ANO3: variants seen among roughly 807,000 people sequenced by gnomAD.
ANO3 encodes anoctamin 3.
Under a neutral mutation model 144.8 loss-of-function variants are expected in ANO3, and 99 were observed. That is an observed-to-expected ratio of 0.68 (90% CI 0.58 to 0.81). The LOEUF (loss-of-function observed/expected upper bound fraction) is 0.81, where lower values mean the gene tolerates loss of function less well. Among genes scored for constraint, ANO3 ranks in the 30% least tolerant of loss-of-function variants. ANO3 has a pLI of 0.00. For synonymous variants in ANO3, 414 were observed against 392.6 expected (o/e 1.05, Z -0.64); for missense variants, 905 against 1,202.2 (o/e 0.75, Z 3.66).
intron 1 of ANO3, among the ~76,000 whole-genome samples, chr11:26,400,813 G>A (rs1421264754): frequency 8.4e-4 from 127 of 150,340 alleles, no homozygotes; most frequent in Non-Finnish European, 1.9e-4. Flanking sequence ...AATTAATAGT[G>A]TTTACCATAG....
chr11:26,390,663 A>T (rs1856851439), intron 1 of ANO3, among the ~76,000 whole-genome samples: 1 of 152,180 alleles, frequency 6.6e-6, no homozygotes, highest in South Asian at 2.1e-4. Flanking sequence ...CATAGTTTAA[A>T]TAGAAAAAAG....
At chr11:26,654,508 G>T (rs1479373890) in intron 24 of ANO3, among the ~76,000 whole-genome samples, 2 of 151,872 alleles carry the variant, frequency 1.3e-5, no homozygotes, top group Non-Finnish European at 2.9e-5. Context: ...ATGGTTTTTA[G>T]ATTATTTTAT....
intron 14 of ANO3, among the ~76,000 whole-genome samples, chr11:26,596,427 A>T (rs1851630878): frequency 6.6e-6 from 1 of 152,128 alleles, no homozygotes; most frequent in Non-Finnish European, 1.5e-5. Context: ...ACCCAGTTCC[A>T]GTTGTTAAAG....
chr11:26,508,335 G>A, intron 5 of ANO3, 73 bp downstream of exon 5: 1 of 1,350,578 alleles, frequency 7.4e-7, no homozygotes, highest in Non-Finnish European at 1.0e-6. Context: ...GGTTTAGAAA[G>A]AAAAATATGT....
At chr11:26,263,353 T>C (rs1853236512) in intron 1 of ANO3, among the ~76,000 whole-genome samples, 1 of 152,172 alleles carries the variant, frequency 6.6e-6, no homozygotes, top group Non-Finnish European at 1.5e-5. Context: ...TCTTTCTCTG[T>C]AGGGGCTGCA....
intron 4 of ANO3, among the ~76,000 whole-genome samples, chr11:26,493,868 C>T (rs1217580869): frequency 6.6e-6 from 1 of 152,178 alleles, no homozygotes; most frequent in African/African-American, 2.4e-5. Flanking sequence ...TCTTCTCTTT[C>T]CACCGTGAAA....
intron 1 of ANO3, among the ~76,000 whole-genome samples, chr11:26,283,494 T>C (rs1005166699): frequency 6.6e-6 from 1 of 151,336 alleles, no homozygotes; most frequent in Admixed American, 6.6e-5. Flanking sequence ...GTTAATTATG[T>C]AAAACATTCA....
At chr11:26,202,221 T>G (rs1851707977) in intron 1 of ANO3, among the ~76,000 whole-genome samples, 1 of 146,136 alleles carries the variant, frequency 6.8e-6, no homozygotes, top group East Asian at 1.9e-4. Context: ...ATGTCATTCC[T>G]TTTATATTTA....
chr11:26,497,803 A>G (rs567443356), intron 4 of ANO3, among the ~76,000 whole-genome samples: 3 of 152,138 alleles, frequency 2.0e-5, no homozygotes, highest in South Asian at 4.2e-4. Flanking sequence ...TTTACTCCCC[A>G]AATTCCTTTA....
intron 1 of ANO3, among the ~76,000 whole-genome samples, chr11:26,242,663 G>A (rs79012435): frequency 0.017 from 2,565 of 152,190 alleles, 56 homozygotes; most frequent in East Asian, 0.13. Flanking sequence ...CTTCATAGTC[G>A]AACACAGTTT....
intron 18 of ANO3, among the ~76,000 whole-genome samples, chr11:26,629,299 C>A (rs947706161): frequency 2.0e-5 from 3 of 152,110 alleles, no homozygotes; most frequent in African/African-American, 7.2e-5. Flanking sequence ...TATCAGAGCT[C>A]GCCTCTGTGA....
chr11:26,331,152 A>G (rs750632254), upstream of ANO3, among the ~76,000 whole-genome samples: 2 of 152,092 alleles, frequency 1.3e-5, no homozygotes, highest in Non-Finnish European at 2.9e-5. Flanking sequence ...CACGGACACA[A>G]TGGGGGAACA....
chr11:26,412,795 AGTGT>A lies in ANO3; in HGVS notation c.47-29092_47-29089del, dbSNP rs60855252. Among the ~76,000 whole-genome samples, 295 of 140,230 alleles carry A rather than the reference AGTGT, an allele frequency of 2.1e-3. 1 individual carries two copies. Among genetic ancestry groups the A allele is most frequent in the Admixed American group, 3.6e-3 (49 of 13,678 alleles). 92.0% of individuals were successfully genotyped at this position (140,230 alleles called of 152,430 possible). A position where few individuals can be genotyped will look rare whatever the true frequency, so the allele number is the denominator to read the frequency against. The stretch of plus-strand genomic sequence containing the variant: ...CCACTTTTAAGGGCAGAGAAAGGAA[AGTGT>A]GTGTGTGTGTGTGTGTGTGTGTGTG... On this transcript the variant is annotated intron_variant, in intron 1 of 26. Coordinates refer to ENST00000256737, the MANE Select transcript of ANO3 (RefSeq NM_031418.4).
upstream of ANO3, chr11:26,331,313 A>G (rs1169955403): frequency 1.3e-5 from 2 of 152,212 alleles, no homozygotes; most frequent in South Asian, 2.1e-4. Flanking sequence ...CATCCTGCAC[A>G]TGTACCACGA....
intron 2 of ANO3, 140 bp downstream of exon 2, chr11:26,442,252 C>A: frequency 1.3e-6 from 1 of 789,806 alleles, no homozygotes; most frequent in Non-Finnish European, 2.0e-6. Context: ...GACCAGTACA[C>A]CATGCCATTT....
chr11:26,235,447 CCTAATGGT>C (rs1044990222), intron 1 of ANO3, among the ~76,000 whole-genome samples: 6 of 152,146 alleles, frequency 3.9e-5, no homozygotes, highest in African/African-American at 1.2e-4. Flanking sequence ...TTAAATCCAA[CCTAATGGT>C]CTTTCTGACA....
chr11:26,489,698 C>T (rs944159563), intron 4 of ANO3, among the ~76,000 whole-genome samples: 2 of 152,190 alleles, frequency 1.3e-5, no homozygotes, highest in African/African-American at 2.4e-5. Flanking sequence ...GGATGTGAGA[C>T]CTGGAGTCAA....
rs1318411261 is a variant in ANO3, at chr11:26,279,485, C to T, written c.155-30160C>T. ...TGCAGAATAAAGAATTCCTACAATTCAACAACAAAAAGACAAACAACCCTA... is the reference window on the plus strand; with the variant it reads ...TGCAGAATAAAGAATTCCTACAATTTAACAACAAAAAGACAAACAACCCTA... On this transcript the variant is annotated intron_variant, in intron 1 of 27. Transcript: ENST00000672621. Among the ~76,000 whole-genome samples, 9 of 151,982 alleles carry T rather than the reference C, an allele frequency of 5.9e-5. No homozygotes were observed. In the East Asian group the frequency reaches 1.2e-3, roughly 20 times the overall value.
At chr11:26,402,912 G>GTT (rs1565004277) in intron 1 of ANO3, among the ~76,000 whole-genome samples, 1 of 151,718 alleles carries the variant, frequency 6.6e-6, no homozygotes. Flanking sequence ...CTTAATTAGG[G>GTT]TTCCTTCAGA....
Sources: gnomAD v4.1 joint callset for allele counts (sites outside exome capture counted in the v4.1 genomes callset) on GRCh38, gnomAD v4.1.1 for gene constraint, MANE v1.5 for transcripts, NCBI Gene and HGNC (gene_info 2026-07-23, HGNC 2026-07-21) for gene names.